Variants in CHD1L observed in about 807,000 individuals in gnomAD.
CHD1L encodes the protein chromodomain helicase DNA binding protein 1 like.
CHD1L carries 118 observed loss-of-function variants against 115.9 expected under a neutral mutation model. That is an observed-to-expected ratio of 1.02 (90% CI 0.88 to 1.19). The LOEUF (loss-of-function observed/expected upper bound fraction) is 1.19, where lower values mean the gene tolerates loss of function less well. Among genes scored for constraint, CHD1L ranks in the 50% most tolerant of loss-of-function variants. The pLI is 0.00. For synonymous variants in CHD1L, 411 were observed against 387.1 expected, an observed-to-expected ratio of 1.06 and a Z score of -0.72; for missense variants, 1,179 against 1,065.3, an observed-to-expected ratio of 1.11 and a Z score of -1.49.
intron 20 of CHD1L, among the ~76,000 whole-genome samples, chr1:147,292,599 C>T (rs986385097): frequency 1.3e-5 from 2 of 152,238 alleles, no homozygotes; most frequent in African/African-American, 4.8e-5. Context: ...GCTCATGCTT[C>T]TGCATGCTGT....
chr1:147,249,413 T>TTTTTA (rs1239197349), intron 1 of CHD1L, among the ~76,000 whole-genome samples: 2 of 143,040 alleles, frequency 1.4e-5, no homozygotes, highest in Non-Finnish European at 3.1e-5. Flanking sequence ...TATTTTTTTT[T>TTTTTA]TTTTTTTTTT....
chr1:147,212,271 T>C, the CHD1L span: 1 of 983,280 alleles, frequency 1.0e-6, no homozygotes, highest in East Asian at 2.4e-5. Flanking sequence ...GCCCTATATT[T>C]GCCACTGGCA....
Position 147,295,468 on chromosome 1 carries a change from T to G in CHD1L, c.2653T>G (p.Ser885Ala), listed in dbSNP as rs4950394. The G allele has an allele frequency of 0.037, 58,961 of 1,611,586 alleles. 1,190 individuals carry two copies. Among genetic ancestry groups the G allele is most frequent in the African/African-American group, 0.057 (4,267 of 74,980 alleles). Reference sequence around the variant, plus strand: ...TAGAAGCAAGTCTGCTGTCCTTCATTCACAGTCTTCATCTTCCTCCTCAAG... The same window carrying G: ...TAGAAGCAAGTCTGCTGTCCTTCATGCACAGTCTTCATCTTCCTCCTCAAG... ...FPRSKSAVLHSQSSSSSSRQL... is the reference protein window; with the variant it reads ...FPRSKSAVLHAQSSSSSSRQL... The change falls in exon 23 of 23, where the codon TCA becomes GCA. Residue 885 changes from serine to alanine, a missense_variant. By Grantham distance (99) the Ser-to-Ala change is moderately conservative (BLOSUM62 1). Coordinates refer to ENST00000369258, the MANE Select transcript of CHD1L (RefSeq NM_004284.6).
rs781944215 is a variant in CHD1L at position 147,276,221 on chromosome 1, G to A, written c.1503G>A (p.Leu501=). 2 of 1,614,142 alleles carry A rather than the reference G, an allele frequency of 1.2e-6. No homozygotes were observed. The highest frequency in any genetic ancestry group is 1.1e-5 in the South Asian group (1 of 91,078). Residue 501 remains leucine, a synonymous_variant, in exon 14 of 23, where the codon CTG becomes CTA. Coordinates refer to ENST00000369258, the MANE Select transcript of CHD1L (RefSeq NM_004284.6). ...TCATAGAAGGAGGCCATTTTACTCT[G>A]GGAGCCCAGAAACCCGCTGCCGATG... is the stretch of plus-strand genomic sequence containing the variant. ...NMIIEGGHFT[L]GAQKPAADAD...
At chr1:147,233,464 G>A in the CHD1L span, among the ~76,000 whole-genome samples, 1 of 94,152 alleles carries the variant, frequency 1.1e-5, no homozygotes, top group Non-Finnish European at 1.9e-5. Flanking sequence ...CCGTCCGGGA[G>A]GGAGGTGGGG....
the CHD1L span, chr1:147,225,867 G>A: frequency 3.9e-5 from 6 of 152,116 alleles, no homozygotes. Flanking sequence ...CGAGCTCCCC[G>A]AAAAAGAAAT....
At chr1:147,184,766 T>C in the CHD1L span, 3 of 1,147,694 alleles carry the variant, frequency 2.6e-6, no homozygotes, top group Non-Finnish European at 3.4e-6. This position sits in a 1 kb window ranked among gnomAD's most constrained non-coding sequence, Gnocchi z 4.4. Flanking sequence ...AGATAGTGTT[T>C]ATCAGATTTC....
chr1:147,228,309 T>A, the CHD1L span, among the ~76,000 whole-genome samples: 1 of 152,260 alleles, frequency 6.6e-6, no homozygotes, highest in East Asian at 1.9e-4. Context: ...GGTTTCCAGC[T>A]TTATCCATGT....
chr1:147,291,445 G>T, intron 19 of CHD1L, 37 bp from the exon 20 acceptor site: 3 of 1,529,394 alleles, frequency 2.0e-6, no homozygotes, highest in Non-Finnish European at 2.7e-6. Context: ...TAGTGAACTT[G>T]GTGTTCTTTA....
the CHD1L span, chr1:147,225,362 A>C: frequency 6.9e-6 from 2 of 290,484 alleles, no homozygotes; most frequent in Non-Finnish European, 1.3e-5. Context: ...TTGTCAAATT[A>C]CTATAAACCA....
intron 1 of CHD1L, among the ~76,000 whole-genome samples, chr1:147,252,198 C>A (rs587769381): frequency 6.6e-6 from 1 of 152,174 alleles, no homozygotes; most frequent in Non-Finnish European, 1.5e-5. Flanking sequence ...TAAGTTTTTT[C>A]CTTTAGCATT....
At chr1:147,249,754 T>C (rs1173401131) in intron 1 of CHD1L, among the ~76,000 whole-genome samples, 1 of 152,216 alleles carries the variant, frequency 6.6e-6, no homozygotes, top group Non-Finnish European at 1.5e-5. Context: ...TGTAGCTCTT[T>C]AGCCAGATTT....
intron 9 of CHD1L, 49 bp downstream of exon 9, chr1:147,267,567 T>C: frequency 7.0e-7 from 1 of 1,432,014 alleles, no homozygotes; most frequent in Non-Finnish European, 9.7e-7. Context: ...AATGTTTCTG[T>C]GGCCAAATCA....
intron 10 of CHD1L, among the ~76,000 whole-genome samples, chr1:147,270,725 C>G (rs1553952291): frequency 6.6e-6 from 1 of 152,184 alleles, no homozygotes. Context: ...TTGAGGATGA[C>G]TGCTCTGAGG....
chr1:147,187,401 A>G, the CHD1L span, among the ~76,000 whole-genome samples: 2 of 152,178 alleles, frequency 1.3e-5, no homozygotes, highest in African/African-American at 4.8e-5. Context: ...GTCCTTAAGG[A>G]TCTTAGGACT....
At chr1:147,179,611 C>T in the CHD1L span, 1 of 1,565,172 alleles carries the variant, frequency 6.4e-7, no homozygotes. Flanking sequence ...AAGAAGAAGG[C>T]ACAGGAGGAT....
At chr1:147,286,690 G>A (rs587722966) in intron 18 of CHD1L, among the ~76,000 whole-genome samples, 190 bp downstream of exon 18, 6 of 152,278 alleles carry the variant, frequency 3.9e-5, no homozygotes, top group South Asian at 2.1e-4. Context: ...ACCTGGTTTA[G>A]TTACCCAACC....
In CHD1L at chr1:147,271,013, C is replaced by T. The variant is rs370469707; in HGVS notation, c.1159+8C>T. ...ACTATATGGATTACAGAGGTGACAC[C>T]TTTTGGCCACTACATTACCTAAGGC... On this transcript the variant is annotated splice_region_variant and intron_variant, in intron 11 of 22. Coordinates refer to ENST00000369258, the MANE Select transcript of CHD1L (RefSeq NM_004284.6). 18 of 1,610,156 alleles carry T rather than the reference C, an allele frequency of 1.1e-5. No individual in the cohort carries two copies. In the African/African-American group the frequency reaches 2.1e-4, roughly 19 times the overall value.
At chr1:147,263,420 C>A (rs1222801878) in intron 6 of CHD1L, among the ~76,000 whole-genome samples, 6 of 98,748 alleles carry the variant, frequency 6.1e-5, no homozygotes. Context: ...CAGAGCAAGA[C>A]CCTGTCTCAA....
Sources: allele counts gnomAD v4.1 joint callset (sites outside exome capture counted in the v4.1 genomes callset), GRCh38; gene constraint gnomAD v4.1.1; non-coding constraint Gnocchi (gnomAD v3.1); transcripts MANE v1.5; gene names NCBI Gene and HGNC (gene_info 2026-07-23, HGNC 2026-07-21).